Variants in GSG1 observed in about 807,000 individuals in gnomAD.
GSG1 encodes germ cell-specific gene 1 protein.
A neutral mutation model predicts 30.8 loss-of-function variants in GSG1; 28 were observed. That is an observed-to-expected ratio of 0.91 (90% confidence interval 0.67 to 1.25). The LOEUF (loss-of-function observed/expected upper bound fraction) is 1.25. Ranked by LOEUF, GSG1 falls within the 50% of genes most tolerant of loss-of-function variation. The pLI, the probability that GSG1 is intolerant of heterozygous loss-of-function variation, is 0.00. For missense variants in GSG1, 435 were observed against 444.7 expected, an observed-to-expected ratio of 0.98 and a Z score of 0.20; for synonymous variants, 162 against 178.0, an observed-to-expected ratio of 0.91 and a Z score of 0.71.
At chr12:13,102,492 A>G (rs1001477195) in intron 1 of GSG1, among the ~76,000 whole-genome samples, 3 of 152,140 alleles carry the variant, frequency 2.0e-5, no homozygotes, top group Non-Finnish European at 4.4e-5. Context: ...TTTGTCATCT[A>G]TTCACTTGGG....
At chr12:13,103,442 G>A in intron 1 of GSG1, 23 bp downstream of exon 1, 1 of 1,577,440 alleles carries the variant, frequency 6.3e-7, no homozygotes, top group Non-Finnish European at 8.7e-7. Flanking sequence ...ATGTTCATGA[G>A]ATTTCAAAAT....
In GSG1 at chr12:13,087,969, G is replaced by A. The variant is rs1225640860; in HGVS notation, c.572C>T (p.Thr191Ile). Residue 191 changes from threonine to isoleucine, a missense_variant, in exon 5 of 7, where the codon ACT (threonine) becomes ATT (isoleucine). Coordinates refer to ENST00000651961, the MANE Select transcript of GSG1 (RefSeq NM_001080555.4). ...FLLLLTDLLL[T>I]GNPACGLKLS... is the part of the protein sequence containing the mutation. ...TTTGAGCCCACAGGCAGGGTTCCCA[G>A]TGAGTAGCAAGTCTGTTAGTAGCAG... The A allele has an allele frequency of 6.2e-6, 10 of 1,614,136 alleles. No homozygotes were observed. Among genetic ancestry groups the A allele is most frequent in the Non-Finnish European group, 8.5e-6 (10 of 1,180,056 alleles).
intron 6 of GSG1, 64 bp downstream of exon 6, chr12:13,087,088 G>A: frequency 9.1e-7 from 1 of 1,093,024 alleles, no homozygotes; most frequent in Non-Finnish European, 1.4e-6. Flanking sequence ...GCATCTAGCT[G>A]AGGGCAGAAA....
chr12:13,091,347 A>G (rs1047731079), intron 1 of GSG1, among the ~76,000 whole-genome samples: 1 of 152,214 alleles, frequency 6.6e-6, no homozygotes, highest in Non-Finnish European at 1.5e-5. Flanking sequence ...GAAGAAATGC[A>G]CGCTCAGAGA....
chr12:13,092,643 G>A (rs1165606377), intron 1 of GSG1, among the ~76,000 whole-genome samples: 3 of 152,122 alleles, frequency 2.0e-5, no homozygotes, highest in Non-Finnish European at 4.4e-5. Flanking sequence ...GCAAAAACGT[G>A]TCTTTGTAAT....
intron 1 of GSG1, among the ~76,000 whole-genome samples, chr12:13,092,885 G>A (rs578215917): frequency 6.6e-5 from 10 of 151,760 alleles, no homozygotes; most frequent in South Asian, 2.1e-4. Context: ...TCCAGTTCCC[G>A]GGTTCAAGAG....
intron 1 of GSG1, among the ~76,000 whole-genome samples, chr12:13,099,955 C>T (rs981496525): frequency 4.6e-5 from 7 of 152,184 alleles, no homozygotes; most frequent in African/African-American, 1.7e-4. Context: ...GTCTGATGAC[C>T]ATGCATGCCC....
intron 2 of GSG1, 51 bp downstream of exon 2, chr12:13,090,452 T>C: frequency 6.5e-7 from 1 of 1,531,710 alleles, no homozygotes; most frequent in Non-Finnish European, 8.9e-7. Context: ...CTGCATTAGA[T>C]CCCTTGCCCG....
rs1052687071 is a variant in GSG1 at position 13,084,742 on chromosome 12, C to A, written c.*159G>T. On this transcript the variant is annotated 3_prime_UTR_variant, in exon 7 of 7. Coordinates refer to ENST00000651961, the MANE Select transcript of GSG1 (RefSeq NM_001080555.4). ...GTAGAGGAAAAGAGAGCAGTGGCACCCAGGAATCCCTTAGGACTTAAAGAT... is the reference window on the plus strand; with the variant it reads ...GTAGAGGAAAAGAGAGCAGTGGCACACAGGAATCCCTTAGGACTTAAAGAT... 4 of 539,630 alleles carry A rather than the reference C, an allele frequency of 7.4e-6. No homozygotes were observed. Among genetic ancestry groups the A allele is most frequent in the Non-Finnish European group, 1.3e-5 (4 of 304,784 alleles). 33.4% of individuals were successfully genotyped at this position (539,630 alleles called of 1,614,324 possible). A position where few individuals can be genotyped will look rare whatever the true frequency, so the allele number is the denominator to read the frequency against.
Position 13,099,756 on chromosome 12 carries a change from T to G in GSG1, c.48+3709A>C, listed in dbSNP as rs1033144956. Among the ~76,000 whole-genome samples, 29 of 141,602 alleles carry G rather than the reference T, an allele frequency of 2.0e-4. No individual in the cohort carries two copies. The East Asian group carries it at 2.8e-3, about 14-fold the overall frequency. 92.9% of individuals were successfully genotyped at this position (141,602 alleles called of 152,430 possible). On this transcript the variant is annotated intron_variant, in intron 1 of 6. Coordinates refer to ENST00000651961, the MANE Select transcript of GSG1 (RefSeq NM_001080555.4). ...GGATCCGGTGTTTTTTTTTGTTTTT[T>G]TTTTTTTTTTTTGTTTTTTCTTCAT...
At position 13,093,791 on chromosome 12, in the gene GSG1, G is replaced by T. The variant is rs532860745; in HGVS notation, c.49-2973C>A. ...GGCTGCCGAAAGAACTGAGGCCCCA[G>T]ATGGCTCTGGCAGGAGCCCCTACTC... On this transcript the variant is annotated intron_variant, in intron 1 of 6. Transcript: ENST00000651961. This position sits in a 1 kb window ranked among gnomAD's most constrained non-coding sequence, Gnocchi z 4.6. Among the ~76,000 whole-genome samples, 1 of 152,336 alleles carries T rather than the reference G, an allele frequency of 6.6e-6. No individual in the cohort carries two copies. The highest frequency in any genetic ancestry group is 2.4e-5 in the African/African-American group (1 of 41,574).
Position 13,085,074 on chromosome 12 carries a change from C to T in GSG1, c.916G>A (p.Ala306Thr). The change falls in exon 7 of 7, where the codon GCC (alanine) becomes ACC (threonine). Residue 306 changes from alanine to threonine, a missense_variant. Ala to Thr is a moderately conservative substitution (Grantham distance 58, BLOSUM62 0). Coordinates refer to ENST00000651961, the MANE Select transcript of GSG1 (RefSeq NM_001080555.4). The part of the protein sequence containing the change: ...QCFPRRLSSA[A>T]PTVGPLTSYH... ...CTGGTCAAAGGACCCACGGTGGGGG[C>T]TGCACTTGACAGCCGCCGAGGGAAA... is the stretch of plus-strand genomic sequence containing the variant. 2 of 1,611,124 alleles carry T rather than the reference C, an allele frequency of 1.2e-6. No homozygotes were observed. Among genetic ancestry groups the T allele is most frequent in the Non-Finnish European group, 1.7e-6 (2 of 1,178,542 alleles).
At chr12:13,099,759 T>TTTTTTTTTTTG (rs1863045802) in intron 1 of GSG1, among the ~76,000 whole-genome samples, 1 of 144,704 alleles carries the variant, frequency 6.9e-6, no homozygotes, top group Non-Finnish European at 1.5e-5. Flanking sequence ...TGTTTTTTTT[T>TTTTTTTTTTTG]TTTTTTTTTG....
intron 1 of GSG1, among the ~76,000 whole-genome samples, chr12:13,091,676 T>A (rs1866160162): frequency 1.3e-5 from 2 of 152,178 alleles, no homozygotes; most frequent in South Asian, 2.1e-4. Flanking sequence ...TGCACTCCAG[T>A]CTGGGCAACA....
chr12:13,096,007 G>C (rs1866629438), intron 1 of GSG1, among the ~76,000 whole-genome samples: 1 of 152,210 alleles, frequency 6.6e-6, no homozygotes, highest in Non-Finnish European at 1.5e-5. Flanking sequence ...ATTTATGACA[G>C]ACGAAGATAT....
At chr12:13,099,740 G>GT (rs1243237814) in intron 1 of GSG1, among the ~76,000 whole-genome samples, 1,530 of 95,438 alleles carry the variant, frequency 0.016, 34 homozygotes, top group Non-Finnish European at 0.02. Flanking sequence ...GGGATCCGGT[G>GT]TTTTTTTTTG....
In GSG1 at chr12:13,084,959, C is replaced by G; in HGVS notation, c.1031G>C (p.Gly344Ala). Reference protein sequence around the residue: ...SELRNKGFQRGASQELKEAVR... With the variant: ...SELRNKGFQRAASQELKEAVR... ...TGCTTCTTTCAGCTCCTGGCTGGCC[C>G]CTCTTTGAAATCCCTTGTTCCGCAG... The change falls in exon 7 of 7, where the codon GGG becomes GCG. Residue 344 changes from glycine to alanine, a missense_variant. Transcript: ENST00000651961. 1.3e-6 allele frequency: 2 copies of G among 1,551,868 alleles called. No individual in the cohort carries two copies. The highest frequency in any genetic ancestry group is 1.7e-6 in the Non-Finnish European group (2 of 1,147,050).
chr12:13,103,235 A>G (rs1385089278), intron 1 of GSG1, among the ~76,000 whole-genome samples: 1 of 152,232 alleles, frequency 6.6e-6, no homozygotes, highest in African/African-American at 2.4e-5. Context: ...ATGAAGGAAG[A>G]TGAAAAGGTA....
At chr12:13,096,279 C>T (rs1025646145) in intron 1 of GSG1, among the ~76,000 whole-genome samples, 10 of 151,934 alleles carry the variant, frequency 6.6e-5, no homozygotes, top group African/African-American at 2.2e-4. Context: ...TGAGACCATC[C>T]TGGCTAACAT....
Sources: gnomAD v4.1 joint callset for allele counts (sites outside exome capture counted in the v4.1 genomes callset) on GRCh38, gnomAD v4.1.1 for gene constraint, Gnocchi (gnomAD v3.1) non-coding constraint, MANE v1.5 for transcripts, NCBI Gene and HGNC (gene_info 2026-07-23, HGNC 2026-07-21) for gene names.